The following ZEB2 variants were observed in gnomAD, a reference collection of about 807,000 sequenced individuals.
The protein encoded by ZEB2 is zinc finger E-box binding homeobox 2.
ZEB2 carries 6 observed loss-of-function variants against 99.9 expected under a neutral mutation model. The observed-to-expected ratio is 0.06, with a 90% confidence interval of 0.03 to 0.12. The LOEUF (loss-of-function observed/expected upper bound fraction) is 0.12. Ranked by LOEUF, ZEB2 falls within the 10% of genes least tolerant of loss-of-function variation. The probability of loss-of-function intolerance (pLI) is 1.00; values close to 1 mark genes in which losing one functional copy is unlikely to be tolerated. For synonymous variants in ZEB2, 517 were observed against 542.5 expected, an observed-to-expected ratio of 0.95 and a Z score of 0.65; for missense variants, 969 against 1,502.8, an observed-to-expected ratio of 0.64 and a Z score of 5.87.
rs770694286 is a variant in ZEB2 at position 144,467,261 on chromosome 2, TAAAG to T, written c.74-37239_74-37236del. Among the ~76,000 whole-genome samples, 3 of 152,246 alleles carry T rather than the reference TAAAG, an allele frequency of 2.0e-5. No homozygotes were observed. The East Asian group carries it at 5.8e-4, about 29-fold the overall frequency. ...TAGGTGGTTTAAACATTTTTCCTCTTAAAGAAGGTAAATTTTGCCTTTAAAACCC... is the reference window on the plus strand; with the variant it reads ...TAGGTGGTTTAAACATTTTTCCTCTTAAGGTAAATTTTGCCTTTAAAACCC... On this transcript the variant is annotated intron_variant, in intron 2 of 9. Coordinates refer to ENST00000627532, the MANE Select transcript of ZEB2 (RefSeq NM_014795.4).
At chr2:144,408,863 C>A (rs928817912) in intron 4 of ZEB2, among the ~76,000 whole-genome samples, 3 of 152,138 alleles carry the variant, frequency 2.0e-5, no homozygotes, top group African/African-American at 7.2e-5. Context: ...TCCAGGGTAG[C>A]CAATAGATCC....
chr2:144,485,278 T>C (rs973068067), intron 2 of ZEB2, among the ~76,000 whole-genome samples: 11 of 152,174 alleles, frequency 7.2e-5, no homozygotes, highest in African/African-American at 2.7e-4. Flanking sequence ...TTTAGAAAAT[T>C]AAATATAAAT....
chr2:144,479,695 C>CG (rs1560642178), intron 2 of ZEB2, among the ~76,000 whole-genome samples: 29 of 23,212 alleles, frequency 1.2e-3, no homozygotes, highest in African/African-American at 4.5e-3. Context: ...GGGGGGGGGG[C>CG]GGGGGGTGGA....
Position 144,468,441 on chromosome 2 carries a change from T to C in ZEB2, c.74-38415A>G, listed in dbSNP as rs368158219. Among the ~76,000 whole-genome samples the C allele has an allele frequency of 3.9e-5, 6 of 152,312 alleles. No homozygotes were observed. In the East Asian group the frequency reaches 9.6e-4, roughly 24 times the overall value. The stretch of plus-strand genomic sequence containing the variant: ...ACCTGTTCCTCTTTCCAGTTTTTCT[T>C]ATGTGTCTGATGCTTAAGGACAATG... On this transcript the variant is annotated intron_variant, in intron 2 of 9. Coordinates refer to ENST00000627532, the MANE Select transcript of ZEB2 (RefSeq NM_014795.4).
In ZEB2 at chr2:144,398,919, A is replaced by G. The variant is rs372439220; in HGVS notation, c.2268T>C (p.Pro756=). The change falls in exon 8 of 10, where the codon CCT becomes CCC. Residue 756 remains proline, a synonymous_variant. Coordinates refer to ENST00000627532, the MANE Select transcript of ZEB2 (RefSeq NM_014795.4). ...ELHNSVTNCD[P]PLRLTKPSHF... is the part of the protein sequence containing the mutation. ...GGGAAGGTTTTGTTAGCCTGAGAGG[A>G]GGATCACAATTCGTAACACTGTTGT... 3.1e-6 allele frequency: 5 copies of G among 1,614,042 alleles called. No individual in the cohort carries two copies. Among genetic ancestry groups the G allele is most frequent in the Non-Finnish European group, 4.2e-6 (5 of 1,180,034 alleles).
chr2:144,461,386 C>T (rs1704192199), intron 2 of ZEB2: 1 of 152,292 alleles, frequency 6.6e-6, no homozygotes, highest in Non-Finnish European at 1.5e-5. Flanking sequence ...CCTTCCTACG[C>T]TAGCTATTAC....
At chr2:144,442,780 T>G (rs1309294493) in intron 2 of ZEB2, among the ~76,000 whole-genome samples, 1 of 152,200 alleles carries the variant, frequency 6.6e-6, no homozygotes, top group Non-Finnish European at 1.5e-5. Context: ...TTCTCAATAC[T>G]ATTTTTGAAC....
At chr2:144,500,612 G>C (rs1396247617) in intron 2 of ZEB2, among the ~76,000 whole-genome samples, 1 of 152,082 alleles carries the variant, frequency 6.6e-6, no homozygotes, top group Non-Finnish European at 1.5e-5. Flanking sequence ...TGTTTTCCTT[G>C]AGCATACTAG....
intron 2 of ZEB2, among the ~76,000 whole-genome samples, chr2:144,465,552 T>C (rs1704260068): frequency 6.6e-6 from 1 of 152,138 alleles, no homozygotes; most frequent in African/African-American, 2.4e-5. Flanking sequence ...CAGGTGAGCT[T>C]CCTGCAGGGC....
Position 144,405,034 on chromosome 2 carries a change from T to C in ZEB2, c.404-10A>G. On this transcript the variant is annotated splice_polypyrimidine_tract_variant and intron_variant, in intron 4 of 9. Coordinates refer to ENST00000627532, the MANE Select transcript of ZEB2 (RefSeq NM_014795.4). The stretch of plus-strand genomic sequence containing the variant: ...CAATTTGCATTCTTCACTGAAATCA[T>C]AAAAGGAGAAGAAATGTTGTTTCCG... 1 of 1,612,808 alleles carries C rather than the reference T, an allele frequency of 6.2e-7. No homozygotes were observed. The highest frequency in any genetic ancestry group is 1.1e-5 in the South Asian group (1 of 91,078).
intron 2 of ZEB2, among the ~76,000 whole-genome samples, chr2:144,502,464 T>G (rs759472512): frequency 6.6e-6 from 1 of 152,096 alleles, no homozygotes; most frequent in Non-Finnish European, 1.5e-5. Context: ...TGAGAGAAAA[T>G]AAAGTACCTG....
chr2:144,400,978 T>A (rs1479602917), intron 7 of ZEB2, among the ~76,000 whole-genome samples: 1 of 152,240 alleles, frequency 6.6e-6, no homozygotes, highest in East Asian at 1.9e-4. Context: ...TCAAAGCATT[T>A]GTAATTTTTA....
In ZEB2 at chr2:144,399,216, A is replaced by G. The variant is rs1703273200; in HGVS notation, c.1971T>C (p.Ser657=). The change falls in exon 8 of 10, where the codon TCT becomes TCC. Residue 657 remains serine, a synonymous_variant. Coordinates refer to ENST00000627532, the MANE Select transcript of ZEB2 (RefSeq NM_014795.4). This position sits in a 1 kb window ranked among gnomAD's most constrained non-coding sequence, Gnocchi z 5.6. ...TCATAGCATAGTATGCTTTGAGTACAGACATGTGGTCCTTGTATGGGTTGA... is the reference window on the plus strand; with the variant it reads ...TCATAGCATAGTATGCTTTGAGTACGGACATGTGGTCCTTGTATGGGTTGA... The part of the protein sequence containing the change: ...SPINPYKDHM[S]VLKAYYAMNM... 6.2e-7 allele frequency: 1 copy of G among 1,614,192 alleles called. No homozygotes were observed. The highest frequency in any genetic ancestry group is 8.5e-7 in the Non-Finnish European group (1 of 1,180,030).
chr2:144,511,734 T>C (rs1417218179), intron 2 of ZEB2: 1 of 1,285,956 alleles, frequency 7.8e-7, no homozygotes, highest in Non-Finnish European at 1.0e-6. Context: ...GGTGCCTGGA[T>C]GTTTCAAGGC....
chr2:144,514,110 G>T, intron 2 of ZEB2: 1 of 337,200 alleles, frequency 3.0e-6, no homozygotes, highest in Non-Finnish European at 5.5e-6. Context: ...CCTCTGCCAG[G>T]CATCTTGCTA....
rs570424729 is a variant in ZEB2, at chr2:144,405,096, T to C, written c.404-72A>G. 7.9e-5 allele frequency: 118 copies of C among 1,502,260 alleles called. No homozygotes were observed. The African/African-American group carries it at 1.0e-3, about 13-fold the overall frequency. The allele number at this position is 1,502,260 out of a possible 1,614,324, so 93.1% of individuals were successfully genotyped here. ...TAGGATCCCAAGTCCATCTCCATCATAGCCAGTGAGAAATGCTGACTTGCA... is the reference window on the plus strand; with the variant it reads ...TAGGATCCCAAGTCCATCTCCATCACAGCCAGTGAGAAATGCTGACTTGCA... On this transcript the variant is annotated intron_variant, in intron 4 of 9. Coordinates refer to ENST00000627532, the MANE Select transcript of ZEB2 (RefSeq NM_014795.4).
chr2:144,385,776 T>C lies in ZEB2; in HGVS notation c.*3675A>G, dbSNP rs1253568303. The C allele has an allele frequency of 1.3e-5, 2 of 152,234 alleles. No individual in the cohort carries two copies. Among genetic ancestry groups the C allele is most frequent in the Non-Finnish European group, 2.9e-5 (2 of 68,022 alleles). 9.4% of individuals were successfully genotyped at this position (152,234 alleles called of 1,614,324 possible). A position where few individuals can be genotyped will look rare whatever the true frequency, so the allele number is the denominator to read the frequency against. On this transcript the variant is annotated 3_prime_UTR_variant, in exon 10 of 10. Transcript: ENST00000627532. ...TGGGCAGTCTCCTCAAATTTGTGAC[T>C]AAGATTTGCTTTTATTAAGGCTTAC... is the stretch of plus-strand genomic sequence containing the variant.
chr2:144,389,386 G>T lies in ZEB2; in HGVS notation c.*65C>A. On this transcript the variant is annotated 3_prime_UTR_variant, in exon 10 of 10. Coordinates refer to ENST00000627532, the MANE Select transcript of ZEB2 (RefSeq NM_014795.4). This position sits in a 1 kb window ranked among gnomAD's most constrained non-coding sequence, Gnocchi z 6.8. ...CGTGCATGAACAGCTTAACACAGCAGTGTTTTCAAGCAGGTAACAATACTA... is the reference window on the plus strand; with the variant it reads ...CGTGCATGAACAGCTTAACACAGCATTGTTTTCAAGCAGGTAACAATACTA... 2 of 1,562,640 alleles carry T rather than the reference G, an allele frequency of 1.3e-6. No homozygotes were observed. The highest frequency in any genetic ancestry group is 1.8e-6 in the Non-Finnish European group (2 of 1,133,904).
chr2:144,502,104 G>GT (rs1704880883), intron 2 of ZEB2, among the ~76,000 whole-genome samples: 1 of 152,160 alleles, frequency 6.6e-6, no homozygotes, highest in African/African-American at 2.4e-5. Context: ...ATGTGGATGT[G>GT]TTTTACCCCG....
Sources: gnomAD v4.1 joint callset for allele counts (sites outside exome capture counted in the v4.1 genomes callset) on GRCh38, gnomAD v4.1.1 for gene constraint, Gnocchi (gnomAD v3.1) non-coding constraint, MANE v1.5 for transcripts, NCBI Gene and HGNC (gene_info 2026-07-23, HGNC 2026-07-21) for gene names.